The following AGBL4 variants were observed in gnomAD, a reference collection of about 807,000 sequenced individuals.
The protein encoded by AGBL4 is AGBL carboxypeptidase 4.
A neutral mutation model predicts 66.4 loss-of-function variants in AGBL4; 58 were observed. That is an observed-to-expected ratio of 0.87 (90% CI 0.71 to 1.09). The LOEUF (loss-of-function observed/expected upper bound fraction) is 1.09, where lower values mean the gene tolerates loss of function less well. Among genes scored for constraint, AGBL4 ranks in the 50% least tolerant of loss-of-function variants. AGBL4 has a pLI of 0.00. For missense variants in AGBL4, 579 were observed against 631.0 expected (o/e 0.92, Z 0.88); for synonymous variants, 234 against 222.9 (o/e 1.05, Z -0.44).
chr1:49,301,858 C>T (rs1246334946), intron 3 of AGBL4, among the ~76,000 whole-genome samples: 1 of 152,090 alleles, frequency 6.6e-6, no homozygotes, highest in African/African-American at 2.4e-5. Context: ...CATCCCCAAC[C>T]CAACCAATCA....
intron 3 of AGBL4, among the ~76,000 whole-genome samples, chr1:49,391,349 TG>T (rs958161734): frequency 4.6e-5 from 7 of 152,258 alleles, no homozygotes; most frequent in Admixed American, 4.6e-4. Context: ...TGTTTACTAT[TG>T]TGTGGAGTAT....
At chr1:49,216,972 C>T (rs945937066) in intron 4 of AGBL4, among the ~76,000 whole-genome samples, 5 of 152,084 alleles carry the variant, frequency 3.3e-5, no homozygotes, top group Non-Finnish European at 7.4e-5. Flanking sequence ...GCAACCTCTT[C>T]TCATACAAAA....
chr1:48,679,902 C>T (rs1467860943), intron 6 of AGBL4, among the ~76,000 whole-genome samples: 6 of 152,262 alleles, frequency 3.9e-5, no homozygotes, highest in Non-Finnish European at 8.8e-5. Context: ...TCCCAGCTCA[C>T]GGTGCTTAGT....
chr1:48,775,734 T>G (rs1362472119), intron 6 of AGBL4, among the ~76,000 whole-genome samples: 2 of 152,230 alleles, frequency 1.3e-5, no homozygotes, highest in South Asian at 2.1e-4. Context: ...AGGGCTGGTT[T>G]CTTTCCCTAT....
At chr1:49,799,010 C>T (rs1257249715) in intron 2 of AGBL4, among the ~76,000 whole-genome samples, 1 of 152,048 alleles carries the variant, frequency 6.6e-6, no homozygotes, top group Non-Finnish European at 1.5e-5. Context: ...AGTATACCAT[C>T]CACTCTCCAT....
intron 6 of AGBL4, among the ~76,000 whole-genome samples, chr1:48,700,257 G>A (rs1203130548): frequency 6.6e-6 from 1 of 152,232 alleles, no homozygotes; most frequent in African/African-American, 2.4e-5. Flanking sequence ...CTGTAGGGCA[G>A]TTCCTGAAGC....
chr1:49,332,604 A>G (rs900581517), intron 3 of AGBL4, among the ~76,000 whole-genome samples: 22 of 152,224 alleles, frequency 1.4e-4, no homozygotes, highest in African/African-American at 5.3e-4. Context: ...ATTGTGGAAT[A>G]ATATTTCACA....
intron 5 of AGBL4, among the ~76,000 whole-genome samples, chr1:48,961,493 A>G (rs1474166836): frequency 6.6e-6 from 1 of 152,236 alleles, no homozygotes; most frequent in Non-Finnish European, 1.5e-5. Flanking sequence ...AGTAAAGAAC[A>G]GCAAGGGAAA....
At chr1:49,085,812 C>T (rs1424324672) in intron 4 of AGBL4, among the ~76,000 whole-genome samples, 1 of 152,126 alleles carries the variant, frequency 6.6e-6, no homozygotes, top group Non-Finnish European at 1.5e-5. Context: ...TCTCTAGCTC[C>T]CCTGTTTCCC....
At chr1:48,950,139 C>G (rs1468455899) in intron 5 of AGBL4, among the ~76,000 whole-genome samples, 2 of 152,178 alleles carry the variant, frequency 1.3e-5, no homozygotes, top group African/African-American at 2.4e-5. Context: ...CCCTGTCACT[C>G]AGGCTGGAGT....
At chr1:48,871,833 T>C (rs886580910) in intron 5 of AGBL4, among the ~76,000 whole-genome samples, 2 of 151,956 alleles carry the variant, frequency 1.3e-5, no homozygotes, top group Non-Finnish European at 2.9e-5. Flanking sequence ...ATGCATCGAG[T>C]GAATGCTGTT....
At chr1:48,900,720 A>G (rs750069940) in intron 5 of AGBL4, among the ~76,000 whole-genome samples, 1 of 152,226 alleles carries the variant, frequency 6.6e-6, no homozygotes, top group African/African-American at 2.4e-5. Context: ...CTCACACCAC[A>G]TATGTAAATT....
rs533224021 is a variant in AGBL4, at chr1:48,736,193, G to A, written c.635-72952C>T. On this transcript the variant is annotated intron_variant, in intron 6 of 13. Coordinates refer to ENST00000371839, the MANE Select transcript of AGBL4 (RefSeq NM_032785.4). The surrounding 1 kb of genome is among the most constrained non-coding windows in gnomAD (Gnocchi z 4.0). ...TTGTGCCTAACACATTCTTGACAGA[G>A]TAAAAGACAGAATCCCAGCCATTGT... 1 of 1,562,906 alleles carries A rather than the reference G, an allele frequency of 6.4e-7. No individual in the cohort carries two copies. The highest frequency in any genetic ancestry group is 1.4e-5 in the African/African-American group (1 of 73,806).
At chr1:48,945,732 T>C (rs951534967) in intron 5 of AGBL4, among the ~76,000 whole-genome samples, 8 of 152,134 alleles carry the variant, frequency 5.3e-5, no homozygotes, top group African/African-American at 1.9e-4. Context: ...CAGACCCTTA[T>C]TTACTGTCAA....
intron 4 of AGBL4, among the ~76,000 whole-genome samples, chr1:49,106,522 G>A (rs767531609): frequency 1.2e-4 from 19 of 152,140 alleles, no homozygotes; most frequent in African/African-American, 4.1e-4. Flanking sequence ...ACCAGAGGTA[G>A]GCACATGGCT....
intron 4 of AGBL4, among the ~76,000 whole-genome samples, chr1:49,206,165 G>A (rs1267671269): frequency 1.3e-5 from 2 of 152,140 alleles, no homozygotes; most frequent in East Asian, 3.9e-4. Flanking sequence ...GAACTGTTGG[G>A]AAGAGGGGCA....
At chr1:49,607,306 T>C (rs1366777701) in intron 3 of AGBL4, among the ~76,000 whole-genome samples, 1 of 152,174 alleles carries the variant, frequency 6.6e-6, no homozygotes, top group Non-Finnish European at 1.5e-5. Context: ...GCTATTTAGG[T>C]AAATCCAAAA....
At chr1:49,900,457 C>T (rs1649659681) in intron 1 of AGBL4, among the ~76,000 whole-genome samples, 1 of 152,040 alleles carries the variant, frequency 6.6e-6, no homozygotes, top group Non-Finnish European at 1.5e-5. Flanking sequence ...GTTGGTCAGG[C>T]TGGTCTTGAA....
intron 4 of AGBL4, among the ~76,000 whole-genome samples, chr1:49,167,712 G>C (rs1646659530): frequency 6.6e-6 from 1 of 152,196 alleles, no homozygotes. Flanking sequence ...CTGAGATTCA[G>C]AATAGGAAGA....
Sources: gnomAD v4.1 joint callset for allele counts (sites outside exome capture counted in the v4.1 genomes callset) on GRCh38, gnomAD v4.1.1 for gene constraint, Gnocchi (gnomAD v3.1) non-coding constraint, MANE v1.5 for transcripts, NCBI Gene and HGNC (gene_info 2026-07-23, HGNC 2026-07-21) for gene names.